Variants in SV2C observed in about 807,000 individuals in gnomAD.
The protein encoded by SV2C is solute carrier family 22 member B3.
In SV2C, 49 loss-of-function variants were observed where a neutral mutation model predicts 79.7. The observed-to-expected ratio is 0.61, with a 90% CI of 0.49 to 0.78. The LOEUF is 0.78. SV2C is among the 30% of genes least tolerant of loss of function. The pLI, the probability that SV2C is intolerant of heterozygous loss-of-function variation, is 0.00. For missense variants in SV2C, 833 were observed against 912.9 expected, an observed-to-expected ratio of 0.91 and a Z score of 1.13; for synonymous variants, 334 against 333.2, an observed-to-expected ratio of 1.00 and a Z score of -0.03.
intron 4 of SV2C, among the ~76,000 whole-genome samples, chr5:76,246,626 C>A (rs1332912484): frequency 6.6e-6 from 1 of 150,406 alleles, no homozygotes; most frequent in Non-Finnish European, 1.5e-5. Flanking sequence ...GCAACACACA[C>A]ACTCACACTC....
chr5:75,874,001 A>G, the SV2C span, among the ~76,000 whole-genome samples: 2 of 152,136 alleles, frequency 1.3e-5, no homozygotes, highest in Admixed American at 1.3e-4. Flanking sequence ...TACCATTCCT[A>G]TTGAAACTAT....
At chr5:76,041,286 G>A in the SV2C span, among the ~76,000 whole-genome samples, 1 of 152,174 alleles carries the variant, frequency 6.6e-6, no homozygotes, top group East Asian at 1.9e-4. Flanking sequence ...CTCAAATTCT[G>A]TGACTCACAC....
intron 1 of SV2C, among the ~76,000 whole-genome samples, chr5:76,125,972 G>T (rs557748635): frequency 1.3e-5 from 2 of 152,148 alleles, no homozygotes; most frequent in South Asian, 4.2e-4. Context: ...TGGGAGGGTC[G>T]CTTGAGCTTG....
At chr5:75,970,546 C>G in the SV2C span, among the ~76,000 whole-genome samples, 1 of 152,028 alleles carries the variant, frequency 6.6e-6, no homozygotes. Flanking sequence ...CTATAAACAC[C>G]TCTATGCAAA....
chr5:76,008,870 T>G, the SV2C span, among the ~76,000 whole-genome samples: 1 of 152,134 alleles, frequency 6.6e-6, no homozygotes, highest in African/African-American at 2.4e-5. Context: ...CTACCTGGCC[T>G]CACCAATACA....
chr5:76,236,839 G>T (rs1197241919), intron 4 of SV2C, among the ~76,000 whole-genome samples: 3 of 152,140 alleles, frequency 2.0e-5, no homozygotes, highest in Admixed American at 1.3e-4. Context: ...GCCTCAAATT[G>T]TAATCCCCAT....
the SV2C span, among the ~76,000 whole-genome samples, chr5:75,961,961 C>T: frequency 5.3e-5 from 8 of 152,064 alleles, no homozygotes; most frequent in African/African-American, 1.7e-4. Context: ...AAGGAATCCA[C>T]AGCTTAATCT....
intron 4 of SV2C, among the ~76,000 whole-genome samples, chr5:76,246,373 T>C (rs1171645032): frequency 6.6e-6 from 1 of 152,224 alleles, no homozygotes; most frequent in Non-Finnish European, 1.5e-5. Flanking sequence ...ATATAAGTGA[T>C]TGTCTTGAAT....
chr5:75,991,663 A>T, the SV2C span, among the ~76,000 whole-genome samples: 1 of 149,878 alleles, frequency 6.7e-6, no homozygotes, highest in African/African-American at 2.4e-5. Context: ...CAAAACCATC[A>T]GATATATATA....
At chr5:75,908,821 A>G in the SV2C span, among the ~76,000 whole-genome samples, 2 of 152,212 alleles carry the variant, frequency 1.3e-5, no homozygotes, top group African/African-American at 2.4e-5. Context: ...TACCTCTTCA[A>G]GTGCTAGATA....
the SV2C span, among the ~76,000 whole-genome samples, chr5:76,067,046 T>G: frequency 6.6e-6 from 1 of 152,194 alleles, no homozygotes; most frequent in African/African-American, 2.4e-5. Context: ...TGTTAACTAC[T>G]TTAAGTTCTT....
the SV2C span, among the ~76,000 whole-genome samples, chr5:75,861,694 C>T: frequency 6.6e-6 from 1 of 152,146 alleles, no homozygotes; most frequent in African/African-American, 2.4e-5. Flanking sequence ...ATGCCATTAT[C>T]CTAAGTGAAT....
At chr5:76,035,807 C>G in the SV2C span, among the ~76,000 whole-genome samples, 4 of 151,940 alleles carry the variant, frequency 2.6e-5, no homozygotes, top group South Asian at 2.1e-4. Context: ...TCCTTGTTGA[C>G]TTTCTGTCTC....
At chr5:75,889,169 G>T in the SV2C span, among the ~76,000 whole-genome samples, 4 of 152,020 alleles carry the variant, frequency 2.6e-5, no homozygotes, top group Admixed American at 1.3e-4. Flanking sequence ...CATGTGGCAT[G>T]GTGGTTTGCT....
the SV2C span, among the ~76,000 whole-genome samples, chr5:75,968,840 C>G: frequency 2.6e-5 from 4 of 152,138 alleles, no homozygotes; most frequent in Admixed American, 2.0e-4. Flanking sequence ...CAAAGATACT[C>G]CTCGAGAAGA....
chr5:76,217,400 G>T (rs951554881), intron 4 of SV2C, among the ~76,000 whole-genome samples: 1 of 152,218 alleles, frequency 6.6e-6, no homozygotes, highest in Non-Finnish European at 1.5e-5. Flanking sequence ...AAGAAAGTCA[G>T]CTTCCTTGTT....
the SV2C span, among the ~76,000 whole-genome samples, chr5:75,959,140 G>A: frequency 4.0e-5 from 6 of 151,880 alleles, no homozygotes; most frequent in Non-Finnish European, 8.8e-5. Context: ...GATGATGCAA[G>A]GATAAAAACG....
chr5:76,208,348 A>G (rs1744670264), intron 3 of SV2C, among the ~76,000 whole-genome samples: 1 of 152,180 alleles, frequency 6.6e-6, no homozygotes, highest in Non-Finnish European at 1.5e-5. Flanking sequence ...GTTTATAGCT[A>G]CTAAACTAAA....
At chr5:75,886,018 C>T in the SV2C span, among the ~76,000 whole-genome samples, 1 of 152,116 alleles carries the variant, frequency 6.6e-6, no homozygotes, top group Non-Finnish European at 1.5e-5. Context: ...AGAGCTGCCC[C>T]TAGTGGAACT....
Sources: allele counts gnomAD v4.1 joint callset (sites outside exome capture counted in the v4.1 genomes callset), GRCh38; gene constraint gnomAD v4.1.1; transcripts MANE v1.5; gene names NCBI Gene and HGNC (gene_info 2026-07-23, HGNC 2026-07-21).